The following FAT3 variants were observed in gnomAD, a reference collection of about 807,000 sequenced individuals.
The protein encoded by FAT3 is protocadherin Fat 3.
A neutral mutation model predicts 310.2 loss-of-function variants in FAT3; 95 were observed. The observed-to-expected ratio is 0.31, with a 90% CI of 0.26 to 0.36. The LOEUF (loss-of-function observed/expected upper bound fraction) is 0.36, where lower values mean the gene tolerates loss of function less well. FAT3 is among the 10% of genes least tolerant of loss of function. The probability of loss-of-function intolerance (pLI) is 1.00; values close to 1 mark genes in which losing one functional copy is unlikely to be tolerated. For missense variants in FAT3, 5,408 were observed against 5,715.6 expected (o/e 0.95, Z 1.74); for synonymous variants, 2,314 against 2,192.9 (o/e 1.06, Z -1.54).
intron 3 of FAT3, among the ~76,000 whole-genome samples, chr11:92,539,028 T>C (rs1347042070): frequency 6.6e-6 from 1 of 152,130 alleles, no homozygotes; most frequent in African/African-American, 2.4e-5. Flanking sequence ...AATCCAATTT[T>C]ACCTCCCACC....
intron 20 of FAT3, among the ~76,000 whole-genome samples, chr11:92,858,446 T>C (rs1949037986): frequency 6.6e-6 from 1 of 152,224 alleles, no homozygotes. Context: ...TTGTCTATAA[T>C]TATTGTCCAT....
At chr11:92,249,524 A>G (rs1865054500) in intron 1 of FAT3, among the ~76,000 whole-genome samples, 1 of 152,082 alleles carries the variant, frequency 6.6e-6, no homozygotes, top group Non-Finnish European at 1.5e-5. Context: ...TTCATTACAT[A>G]TTGATTGACT....
chr11:92,601,868 G>A lies in FAT3; in HGVS notation c.3607+76920G>A, dbSNP rs190750924. The stretch of plus-strand genomic sequence containing the variant: ...TCACATTAAAAAAAATAGCAGTGCA[G>A]CCAGGTCCTGATTTCAAAATGGCTA... On this transcript the variant is annotated intron_variant, in intron 3 of 27. Coordinates refer to ENST00000525166, the MANE Select transcript of FAT3 (RefSeq NM_001367949.2). 2.6e-5 allele frequency among the ~76,000 whole-genome samples: 4 copies of A among 152,136 alleles called. No homozygotes were observed. In the East Asian group the frequency reaches 7.8e-4, roughly 29 times the overall value.
At chr11:92,618,344 G>T (rs986882747) in intron 3 of FAT3, among the ~76,000 whole-genome samples, 4 of 152,192 alleles carry the variant, frequency 2.6e-5, no homozygotes, top group African/African-American at 9.7e-5. Context: ...CAGTATTAGG[G>T]GTGGGAGTGT....
chr11:92,612,706 AT>A (rs1360142299), intron 3 of FAT3, among the ~76,000 whole-genome samples: 1 of 152,210 alleles, frequency 6.6e-6, no homozygotes, highest in African/African-American at 2.4e-5. Flanking sequence ...ATTAAATAAA[AT>A]ACGTTTCAAG....
At chr11:92,613,823 G>C (rs539694196) in intron 3 of FAT3, among the ~76,000 whole-genome samples, 1 of 152,246 alleles carries the variant, frequency 6.6e-6, no homozygotes, top group African/African-American at 2.4e-5. Context: ...TCACAGAATT[G>C]TGCATCTGTC....
Position 92,634,809 on chromosome 11 carries a change from G to A in FAT3, c.3608-62575G>A, listed in dbSNP as rs142117601. On this transcript the variant is annotated intron_variant, in intron 3 of 27. Coordinates refer to ENST00000525166, the MANE Select transcript of FAT3 (RefSeq NM_001367949.2). Reference sequence around the variant, plus strand: ...TATGCTGAAGCCGAGCCCCCAGTGTGGCTGTATTTGGAGAAGGAGCCTCTA... The same window carrying A: ...TATGCTGAAGCCGAGCCCCCAGTGTAGCTGTATTTGGAGAAGGAGCCTCTA... Among the ~76,000 whole-genome samples the A allele has an allele frequency of 5.6e-4, 86 of 152,304 alleles. 1 individual carries two copies. Among genetic ancestry groups the A allele is most frequent in the African/African-American group, 2.0e-3 (84 of 41,562 alleles).
rs756801253 is a variant in FAT3, at chr11:92,798,487, C to T, written c.5474C>T (p.Thr1825Met). Residue 1825 changes from threonine (T) to methionine (M), a missense_variant, in exon 10 of 28, where the codon ACG (threonine) becomes ATG (methionine). Physicochemically the swap from Thr to Met is moderately conservative, Grantham distance 81. Around this residue, in one of 5 missense-constraint regions of FAT3, gnomAD observed 4,588 missense variants for 4,809.8 expected, o/e 0.95. Coordinates refer to ENST00000525166, the MANE Select transcript of FAT3 (RefSeq NM_001367949.2). ...IVESTAKKFF[T>M]VDSSTGAIRT... ...GAGTCAACAGCAAAAAAGTTTTTCA[C>T]GGTGGACTCCAGTACAGGTGCAATC... The T allele has an allele frequency of 4.0e-5, 64 of 1,613,542 alleles. No individual in the cohort carries two copies. Among genetic ancestry groups the T allele is most frequent in the Middle Eastern group, 1.6e-4 (1 of 6,084 alleles).
In FAT3 at chr11:92,831,753, G is replaced by A. The variant is rs780817713; in HGVS notation, c.9613G>A (p.Val3205Met). 1.1e-5 allele frequency: 17 copies of A among 1,613,284 alleles called. No individual in the cohort carries two copies. The highest frequency in any genetic ancestry group is 1.7e-5 in the Admixed American group (1 of 59,934). The change falls in exon 14 of 28, where the codon GTG becomes ATG. Residue 3205 changes from valine to methionine, a missense_variant. By Grantham distance (21) the Val-to-Met change is conservative. Around this residue, in one of 5 missense-constraint regions of FAT3, gnomAD observed 4,588 missense variants for 4,809.8 expected, o/e 0.95. Coordinates refer to ENST00000525166, the MANE Select transcript of FAT3 (RefSeq NM_001367949.2). ...GCAGCAGTCTTCGTACAACATCAGC[G>A]TGCGGGCCACTGACCAGAGTCCTGG... ...REQQSSYNIS[V>M]RATDQSPGQS... is the part of the protein sequence containing the mutation.
intron 3 of FAT3, among the ~76,000 whole-genome samples, chr11:92,637,203 T>C (rs1941796160): frequency 6.6e-6 from 1 of 152,136 alleles, no homozygotes; most frequent in Non-Finnish European, 1.5e-5. Context: ...TTAGTGTAAG[T>C]GAGAGAAGGA....
At chr11:92,648,871 C>T (rs776337926) in intron 3 of FAT3, among the ~76,000 whole-genome samples, 3 of 152,164 alleles carry the variant, frequency 2.0e-5, no homozygotes, top group East Asian at 1.9e-4. Flanking sequence ...TGTCCAGAAA[C>T]GAGTATGGAT....
At chr11:92,592,450 T>C (rs534869868) in intron 3 of FAT3, among the ~76,000 whole-genome samples, 1 of 151,072 alleles carries the variant, frequency 6.6e-6, no homozygotes, top group South Asian at 2.1e-4. Flanking sequence ...GCCTCCTGAG[T>C]AGCTAGGATT....
chr11:92,472,450 C>T (rs182319044), intron 2 of FAT3, among the ~76,000 whole-genome samples: 2 of 152,206 alleles, frequency 1.3e-5, no homozygotes, highest in East Asian at 3.9e-4. Context: ...TGACAACCAG[C>T]AAGCATTTTG....
At chr11:92,393,256 A>ATGCACACACACTCATGTGTGTCTC (rs1949788680) in intron 2 of FAT3, among the ~76,000 whole-genome samples, 1 of 152,000 alleles carries the variant, frequency 6.6e-6, no homozygotes, top group Non-Finnish European at 1.5e-5. Flanking sequence ...GAGTGTGTGT[A>ATGCACACACACTCATGTGTGTCTC]TGCACACACA....
intron 3 of FAT3, among the ~76,000 whole-genome samples, chr11:92,633,782 A>G (rs370945489): frequency 2.0e-5 from 3 of 152,184 alleles, no homozygotes; most frequent in African/African-American, 7.2e-5. Flanking sequence ...TGTTGTTTTA[A>G]AAGTGATTTT....
chr11:92,657,964 T>A (rs962661705), intron 3 of FAT3, among the ~76,000 whole-genome samples: 4 of 152,222 alleles, frequency 2.6e-5, no homozygotes, highest in African/African-American at 9.6e-5. Context: ...TATGTAATTT[T>A]AAATTTTCTA....
At chr11:92,435,291 A>G (rs1030179798) in intron 2 of FAT3, among the ~76,000 whole-genome samples, 17 of 152,194 alleles carry the variant, frequency 1.1e-4, no homozygotes, top group African/African-American at 4.1e-4. Context: ...TGCTTAAGCT[A>G]TTGCTATCAG....
intron 3 of FAT3, among the ~76,000 whole-genome samples, chr11:92,543,353 A>T (rs1344877588): frequency 2.6e-5 from 4 of 152,208 alleles, no homozygotes; most frequent in African/African-American, 7.2e-5. Flanking sequence ...CCACACAAAA[A>T]AGGTAAGTAT....
intron 3 of FAT3, among the ~76,000 whole-genome samples, chr11:92,602,021 A>T (rs866171302): frequency 4.0e-4 from 60 of 151,710 alleles, no homozygotes; most frequent in African/African-American, 1.3e-3. Flanking sequence ...ACATTTATTG[A>T]TTTTACATTG....
Sources: allele counts gnomAD v4.1 joint callset (sites outside exome capture counted in the v4.1 genomes callset), GRCh38; gene constraint gnomAD v4.1.1; regional missense constraint gnomAD v4.1.1; transcripts MANE v1.5; gene names NCBI Gene and HGNC (gene_info 2026-07-23, HGNC 2026-07-21).